JAKMIP2: variants seen among roughly 807,000 people sequenced by gnomAD.
The protein encoded by JAKMIP2 is janus kinase and microtubule-interacting protein 2.
In JAKMIP2, 25 loss-of-function variants were observed where a neutral mutation model predicts 115.0. The ratio of observed to expected loss-of-function variants is 0.22; its 90% CI spans 0.16 to 0.30. The LOEUF is 0.30. Ranked by LOEUF, JAKMIP2 falls within the 10% of genes least tolerant of loss-of-function variation. The pLI, the probability that JAKMIP2 is intolerant of heterozygous loss-of-function variation, is 1.00. For synonymous variants in JAKMIP2, 334 were observed against 343.6 expected, an observed-to-expected ratio of 0.97 and a Z score of 0.31; for missense variants, 642 against 957.6, an observed-to-expected ratio of 0.67 and a Z score of 4.35.
chr5:147,675,782 C>CTTTTTTT (rs1561531706), intron 1 of JAKMIP2, among the ~76,000 whole-genome samples: 3 of 126,796 alleles, frequency 2.4e-5, no homozygotes, highest in Non-Finnish European at 4.9e-5. Flanking sequence ...AATCATATGA[C>CTTTTTTT]ATTTTTTTTT....
chr5:147,612,528 T>C (rs1756385188), intron 19 of JAKMIP2, among the ~76,000 whole-genome samples, 157 bp from the exon 20 acceptor site: 1 of 152,200 alleles, frequency 6.6e-6, no homozygotes, highest in East Asian at 1.9e-4. Context: ...CCCAAAAACA[T>C]GTTGCATGTT....
In JAKMIP2 at chr5:147,628,150, T is replaced by C. The variant is rs143427505; in HGVS notation, c.1995+601A>G. On this transcript the variant is annotated intron_variant, in intron 16 of 21. Transcript: ENST00000616793. The stretch of plus-strand genomic sequence containing the variant: ...GAGCCTCCTCCCTCAGCCTCCAAAG[T>C]AGCTAGGACTATAGGTACATACCAT... Among the ~76,000 whole-genome samples the C allele has an allele frequency of 3.2e-3, 480 of 152,274 alleles. 7 individuals carry two copies. The highest frequency in any genetic ancestry group is 0.011 in the African/African-American group (456 of 41,552).
chr5:147,598,931 A>G (rs779423191), intron 21 of JAKMIP2, among the ~76,000 whole-genome samples: 7 of 152,156 alleles, frequency 4.6e-5, no homozygotes, highest in Admixed American at 2.6e-4. Context: ...TATCTTGCCA[A>G]CTTTGGAGAC....
intron 1 of JAKMIP2, among the ~76,000 whole-genome samples, chr5:147,769,721 T>C (rs1464700571): frequency 6.7e-6 from 1 of 149,480 alleles, no homozygotes; most frequent in African/African-American, 2.5e-5. Flanking sequence ...AGGACATCAA[T>C]GGGTATTTTG....
At chr5:147,611,321 C>G (rs1756307289) in intron 20 of JAKMIP2, among the ~76,000 whole-genome samples, 1 of 152,110 alleles carries the variant, frequency 6.6e-6, no homozygotes, top group Non-Finnish European at 1.5e-5. Flanking sequence ...GGTGTAGGCA[C>G]CTGAGGGAAT....
At chr5:147,758,888 G>C (rs1561579375) in intron 1 of JAKMIP2, among the ~76,000 whole-genome samples, 1 of 152,188 alleles carries the variant, frequency 6.6e-6, no homozygotes, top group South Asian at 2.1e-4. Flanking sequence ...CAGGTGCATT[G>C]TTTAGGGTGC....
At chr5:147,621,715 T>C (rs974872944) in intron 17 of JAKMIP2, among the ~76,000 whole-genome samples, 1 of 152,216 alleles carries the variant, frequency 6.6e-6, no homozygotes, top group Non-Finnish European at 1.5e-5. Flanking sequence ...CCTAACCTCT[T>C]AGTAAAATGT....
intron 1 of JAKMIP2, among the ~76,000 whole-genome samples, chr5:147,715,219 A>T (rs1001176850): frequency 6.6e-6 from 1 of 152,108 alleles, no homozygotes; most frequent in African/African-American, 2.4e-5. Flanking sequence ...TTCAAAATAA[A>T]TCAATAAAGG....
intron 1 of JAKMIP2, among the ~76,000 whole-genome samples, chr5:147,762,851 G>A (rs1419514811): frequency 6.6e-6 from 1 of 152,096 alleles, no homozygotes; most frequent in Admixed American, 6.6e-5. Context: ...AATCCTAACA[G>A]TGTGATGTGA....
intron 1 of JAKMIP2, among the ~76,000 whole-genome samples, chr5:147,679,981 A>T (rs1476449219): frequency 6.6e-6 from 1 of 152,164 alleles, no homozygotes; most frequent in Non-Finnish European, 1.5e-5. Context: ...AAGAGTTTGG[A>T]ATTTGAAATC....
intron 19 of JAKMIP2, among the ~76,000 whole-genome samples, chr5:147,613,522 A>T (rs7443154): frequency 6.6e-6 from 1 of 152,100 alleles, no homozygotes; most frequent in Non-Finnish European, 1.5e-5. Context: ...ATTTTTTTAA[A>T]GTTAGTTAAT....
intron 1 of JAKMIP2, among the ~76,000 whole-genome samples, chr5:147,701,688 C>T (rs1752330789): frequency 6.6e-6 from 1 of 152,120 alleles, no homozygotes; most frequent in Non-Finnish European, 1.5e-5. Flanking sequence ...ATAGGCAATG[C>T]AACAAGTGCC....
chr5:147,778,091 T>A (rs2127091848), intron 1 of JAKMIP2, among the ~76,000 whole-genome samples: 2 of 152,124 alleles, frequency 1.3e-5, no homozygotes, highest in South Asian at 4.1e-4. Flanking sequence ...TTTAATCAGA[T>A]CCTAAACACG....
Position 147,639,677 on chromosome 5 carries a change from T to A in JAKMIP2, c.1485A>T (p.Leu495=). The change falls in exon 10 of 22, where the codon CTA becomes CTT. Residue 495 remains leucine (L), a synonymous_variant. Coordinates refer to ENST00000616793, the MANE Select transcript of JAKMIP2 (RefSeq NM_001270941.2). ...YQALQRAYAL[L]QEQTGGIIDA... ...CGATGATGCCTCCCGTCTGCTCCTG[T>A]AGGAGGGCATATGCTCTTTGGAGGG... The A allele has an allele frequency of 1.2e-6, 2 of 1,613,940 alleles. No homozygotes were observed. Among genetic ancestry groups the A allele is most frequent in the Non-Finnish European group, 1.7e-6 (2 of 1,179,886 alleles).
intron 1 of JAKMIP2, among the ~76,000 whole-genome samples, chr5:147,736,079 A>G (rs1409080064): frequency 6.6e-6 from 1 of 152,168 alleles, no homozygotes; most frequent in Non-Finnish European, 1.5e-5. Flanking sequence ...AACTAGCTCA[A>G]AAAAATACAG....
intron 1 of JAKMIP2, among the ~76,000 whole-genome samples, chr5:147,736,169 T>G (rs1437176359): frequency 6.6e-6 from 1 of 152,050 alleles, no homozygotes; most frequent in Non-Finnish European, 1.5e-5. Context: ...AATTAAAAAT[T>G]TGGGGGCCGG....
At chr5:147,723,579 A>T (rs1753400752) in intron 1 of JAKMIP2, among the ~76,000 whole-genome samples, 1 of 152,214 alleles carries the variant, frequency 6.6e-6, no homozygotes. Context: ...AGAACAGGTT[A>T]TCATTGGTCA....
At chr5:147,704,135 T>C (rs1752479937) in intron 1 of JAKMIP2, among the ~76,000 whole-genome samples, 2 of 152,296 alleles carry the variant, frequency 1.3e-5, no homozygotes, top group Middle Eastern at 3.4e-3. Context: ...TACAGTTAAC[T>C]TTTATATTTA....
At chr5:147,779,039 T>G (rs1020770616) in intron 1 of JAKMIP2, among the ~76,000 whole-genome samples, 1 of 152,154 alleles carries the variant, frequency 6.6e-6, no homozygotes, top group Admixed American at 6.5e-5. Context: ...CATTGCGTTA[T>G]TTATGTTAAA....
Sources: gnomAD v4.1 joint callset for allele counts (sites outside exome capture counted in the v4.1 genomes callset) on GRCh38, gnomAD v4.1.1 for gene constraint, MANE v1.5 for transcripts, NCBI Gene and HGNC (gene_info 2026-07-23, HGNC 2026-07-21) for gene names.